Variants in SGK2 observed in about 807,000 individuals in gnomAD.
The protein encoded by SGK2 is serine/threonine-protein kinase Sgk2.
Under a neutral mutation model 47.5 loss-of-function variants are expected in SGK2, and 36 were observed. That is an observed-to-expected ratio of 0.76 (90% CI 0.58 to 1.00). The LOEUF (loss-of-function observed/expected upper bound fraction) is 1.00. SGK2 is among the 50% of genes least tolerant of loss of function. SGK2 has a pLI of 0.00. For missense variants in SGK2, 404 were observed against 467.4 expected (o/e 0.86, Z 1.25); for synonymous variants, 157 against 181.9 (o/e 0.86, Z 1.10).
At chr20:43,579,904 G>A in intron 11 of SGK2, 68 bp from the exon 12 acceptor site, 2 of 938,382 alleles carry the variant, frequency 2.1e-6, no homozygotes, top group Non-Finnish European at 3.5e-6. Flanking sequence ...GAGGATGTGG[G>A]GGTGAGGTGA....
intron 8 of SGK2, 116 bp from the exon 9 acceptor site, chr20:43,571,935 G>A (rs1980162332): frequency 2.9e-6 from 2 of 681,980 alleles, no homozygotes; most frequent in Non-Finnish European, 2.6e-6. Context: ...GCCTGTGCCT[G>A]GGCATCAGAT....
rs148466089 is a variant in SGK2, at chr20:43,583,319, G to A, written c.940-1533G>A. 8.3e-4 allele frequency: 1,069 copies of A among 1,288,290 alleles called. 31 individuals are homozygous for A. In the East Asian group the frequency reaches 0.044, roughly 53 times the overall value. 79.8% of individuals were successfully genotyped at this position (1,288,290 alleles called of 1,614,324 possible). On this transcript the variant is annotated intron_variant, in intron 12 of 12. Coordinates refer to ENST00000373100, the MANE Select transcript of SGK2 (RefSeq NM_170693.3). Reference sequence around the variant, plus strand: ...GGCAGAGATGAATGGACTTTAGAATGAGACACTCCGGAGCTGGATTCCTGG... The same window carrying A: ...GGCAGAGATGAATGGACTTTAGAATAAGACACTCCGGAGCTGGATTCCTGG...
At chr20:43,570,774 C>T (rs367636209) in intron 7 of SGK2, 45 bp downstream of exon 7, 7 of 1,439,458 alleles carry the variant, frequency 4.9e-6, no homozygotes, top group African/African-American at 1.4e-5. Flanking sequence ...GCCCTTCTTG[C>T]TCCAACAGCT....
intron 6 of SGK2, among the ~76,000 whole-genome samples, chr20:43,570,406 T>C (rs1160768350): frequency 1.3e-5 from 2 of 152,222 alleles, no homozygotes; most frequent in Non-Finnish European, 2.9e-5. Flanking sequence ...AGGAGGTGCT[T>C]AAGCAATGCT....
chr20:43,573,489 C>CAAAA (rs5841511), intron 9 of SGK2, among the ~76,000 whole-genome samples: 1 of 111,346 alleles, frequency 9.0e-6, no homozygotes, highest in Non-Finnish European at 1.8e-5. Flanking sequence ...GACTCTGTCT[C>CAAAA]AAAAAAAAAA....
In SGK2 at chr20:43,572,267, C is replaced by T. The variant is rs1016790895; in HGVS notation, c.597+130C>T. The T allele has an allele frequency of 7.3e-6, 5 of 688,334 alleles. No homozygotes were observed. The highest frequency in any genetic ancestry group is 3.5e-5 in the African/African-American group (2 of 56,632). The allele number at this position is 688,334 out of a possible 1,614,324, so 42.6% of individuals were successfully genotyped here. A position where few individuals can be genotyped will look rare whatever the true frequency, so the allele number is the denominator to read the frequency against. On this transcript the variant is annotated intron_variant, in intron 9 of 12. Transcript: ENST00000373100. The surrounding 1 kb of genome is among the most constrained non-coding windows in gnomAD (Gnocchi z 4.2). ...AAACACTTCTCCTGAGTGGGCTATA[C>T]ACTGAACTGTGGTTTCCTCATCTAT... is the stretch of plus-strand genomic sequence containing the variant.
intron 1 of SGK2, among the ~76,000 whole-genome samples, chr20:43,563,095 C>T (rs1373746250): frequency 1.4e-5 from 2 of 146,532 alleles, no homozygotes; most frequent in African/African-American, 5.2e-5. Flanking sequence ...GAGATAGCAC[C>T]ACTGCACTCC....
chr20:43,562,156 G>C (rs1045520170), intron 1 of SGK2, among the ~76,000 whole-genome samples: 1 of 152,026 alleles, frequency 6.6e-6, no homozygotes, highest in Non-Finnish European at 1.5e-5. Flanking sequence ...GGTCACGCCT[G>C]TAATCCCAGC....
intron 3 of SGK2, 120 bp downstream of exon 3, chr20:43,567,237 C>A: frequency 1.2e-6 from 1 of 823,380 alleles, no homozygotes; most frequent in Admixed American, 2.0e-5. Context: ...GCCATCTGGG[C>A]CCAGGACCTT....
chr20:43,566,620 G>A, intron 2 of SGK2, 89 bp downstream of exon 2: 2 of 906,636 alleles, frequency 2.2e-6, no homozygotes, highest in Non-Finnish European at 3.5e-6. Flanking sequence ...AATGTCAGGG[G>A]CTGAGAGGGT....
At chr20:43,577,847 G>T (rs755149934) in intron 11 of SGK2, among the ~76,000 whole-genome samples, 8 of 151,792 alleles carry the variant, frequency 5.3e-5, no homozygotes, top group Non-Finnish European at 7.4e-5. Flanking sequence ...GTTTCACTAT[G>T]TTGGACAGGC....
At chr20:43,566,914 G>C (rs11473408) in intron 2 of SGK2, among the ~76,000 whole-genome samples, 154 bp from the exon 3 acceptor site, 89 of 141,634 alleles carry the variant, frequency 6.3e-4, no homozygotes, top group South Asian at 9.0e-4. Context: ...GAGGGAGGGA[G>C]GGAGGCGGGC....
At chr20:43,574,887 T>C (rs1345874785) in intron 9 of SGK2, 22 bp from the exon 10 acceptor site, 1 of 1,595,472 alleles carries the variant, frequency 6.3e-7, no homozygotes, top group Admixed American at 1.7e-5. Flanking sequence ...TTATTTCAAA[T>C]AAGTGTGTTT....
At chr20:43,565,799 T>A (rs1481861750) in intron 1 of SGK2, 12 of 152,502 alleles carry the variant, frequency 7.9e-5, no homozygotes, top group African/African-American at 2.9e-4. Flanking sequence ...CCTGGCCACA[T>A]AGATCAGCTG....
At chr20:43,577,384 G>A (rs1213996126) in intron 11 of SGK2, among the ~76,000 whole-genome samples, 1 of 129,954 alleles carries the variant, frequency 7.7e-6, no homozygotes, top group Non-Finnish European at 1.6e-5. Flanking sequence ...ACAGAGTCTT[G>A]CTCTGTTGCC....
At chr20:43,582,866 T>C (rs948040009) in intron 12 of SGK2, among the ~76,000 whole-genome samples, 3 of 151,796 alleles carry the variant, frequency 2.0e-5, no homozygotes, top group Non-Finnish European at 4.4e-5. Context: ...TTTTTTGTTG[T>C]TGTATTTTTA....
In SGK2 at chr20:43,567,059, T is replaced by C; in HGVS notation, c.37-9T>C. ...GGGATCTGCTGATCATAATCACTTC[T>C]TTCTTTAGCCCTCCAGGGCCAATGG... On this transcript the variant is annotated splice_polypyrimidine_tract_variant and intron_variant, in intron 2 of 12. Transcript: ENST00000373100. 6.2e-7 allele frequency: 1 copy of C among 1,613,446 alleles called. No individual in the cohort carries two copies. Among genetic ancestry groups the C allele is most frequent in the Non-Finnish European group, 8.5e-7 (1 of 1,179,394 alleles).
chr20:43,562,417 CAAAAAAA>C (rs111670042), intron 1 of SGK2, among the ~76,000 whole-genome samples: 2 of 49,966 alleles, frequency 4.0e-5, no homozygotes, highest in Non-Finnish European at 7.6e-5. Flanking sequence ...AACCATGTCT[CAAAAAAA>C]AAAAAAAAAA....
chr20:43,559,784 C>G (rs2145522284), intron 1 of SGK2, among the ~76,000 whole-genome samples: 1 of 152,240 alleles, frequency 6.6e-6, no homozygotes, highest in South Asian at 2.1e-4. Context: ...GGGGAATGTT[C>G]CAAGGAGAGA....
Sources: gnomAD v4.1 joint callset for allele counts (sites outside exome capture counted in the v4.1 genomes callset) on GRCh38, gnomAD v4.1.1 for gene constraint, Gnocchi (gnomAD v3.1) non-coding constraint, MANE v1.5 for transcripts, NCBI Gene and HGNC (gene_info 2026-07-23, HGNC 2026-07-21) for gene names.